NKAIN2: variants seen among roughly 807,000 people sequenced by gnomAD.
NKAIN2 encodes sodium/potassium transporting ATPase interacting 2, also known as sodium/potassium-transporting ATPase subunit beta-1-interacting protein 2.
A neutral mutation model predicts 32.6 loss-of-function variants in NKAIN2; 14 were observed. That is an observed-to-expected ratio of 0.43 (90% CI 0.28 to 0.67). The LOEUF (loss-of-function observed/expected upper bound fraction) is 0.67, where lower values mean the gene tolerates loss of function less well. Among genes scored for constraint, NKAIN2 ranks in the 30% least tolerant of loss-of-function variants. The probability of loss-of-function intolerance (pLI) is 0.17; values close to 1 mark genes in which losing one functional copy is unlikely to be tolerated. For synonymous variants in NKAIN2, 80 were observed against 87.2 expected (o/e 0.92, Z 0.46); for missense variants, 198 against 258.3 (o/e 0.77, Z 1.60).
chr6:124,803,043 C>G (rs1029230647), intron 5 of NKAIN2, among the ~76,000 whole-genome samples: 3 of 152,158 alleles, frequency 2.0e-5, no homozygotes, highest in East Asian at 1.9e-4. Flanking sequence ...GTAACTAAAC[C>G]CGACAGCAAA....
intron 1 of NKAIN2, among the ~76,000 whole-genome samples, chr6:123,864,631 C>T (rs867890396): frequency 1.3e-5 from 2 of 151,906 alleles, no homozygotes; most frequent in Admixed American, 6.6e-5. Flanking sequence ...ATTAAATGAG[C>T]GAGGGAACCA....
intron 3 of NKAIN2, among the ~76,000 whole-genome samples, chr6:124,493,165 TTAAA>T (rs1248013989): frequency 6.6e-6 from 1 of 151,894 alleles, no homozygotes; most frequent in Non-Finnish European, 1.5e-5. Context: ...ATTTGAAGAA[TTAAA>T]TCTACACATT....
At position 124,183,190 on chromosome 6, in the gene NKAIN2, G is replaced by T. The variant is rs571825454; in HGVS notation, c.55-99815G>T. ...TTTTTGCAGGTCTCAACATAAAAGA[G>T]GCTGAATATAATAATTGAAGGAGAA... On this transcript the variant is annotated intron_variant, in intron 1 of 6. Coordinates refer to ENST00000368417, the MANE Select transcript of NKAIN2 (RefSeq NM_001040214.3). Among the ~76,000 whole-genome samples the T allele has an allele frequency of 5.3e-4, 80 of 152,094 alleles. No individual in the cohort carries two copies. The South Asian group carries it at 0.017, about 32-fold the overall frequency.
chr6:124,071,543 A>G (rs760737923), intron 1 of NKAIN2, among the ~76,000 whole-genome samples: 21 of 152,210 alleles, frequency 1.4e-4, no homozygotes, highest in African/African-American at 2.7e-4. Flanking sequence ...CAGACAGCCT[A>G]CAGAATGGGA....
intron 1 of NKAIN2, among the ~76,000 whole-genome samples, chr6:123,942,608 T>G (rs1776872987): frequency 6.6e-6 from 1 of 152,030 alleles, no homozygotes. Context: ...ATTTAGACTA[T>G]GCTGCAGGTG....
intron 1 of NKAIN2, among the ~76,000 whole-genome samples, chr6:124,194,606 CAT>C (rs1790218378): frequency 6.6e-6 from 1 of 151,936 alleles, no homozygotes; most frequent in Non-Finnish European, 1.5e-5. Flanking sequence ...TATTTATTCA[CAT>C]GTTATTTTAT....
chr6:123,862,302 C>CA (rs1256711285), intron 1 of NKAIN2, among the ~76,000 whole-genome samples: 9 of 152,168 alleles, frequency 5.9e-5, no homozygotes, highest in Admixed American at 5.2e-4. Flanking sequence ...AGTGACCCTG[C>CA]AGCCAATCCT....
At chr6:124,705,747 C>A (rs1327168892) in intron 4 of NKAIN2, among the ~76,000 whole-genome samples, 1 of 151,974 alleles carries the variant, frequency 6.6e-6, no homozygotes, top group South Asian at 2.1e-4. Flanking sequence ...TACTGTTAAA[C>A]CCTGAATTTT....
chr6:124,208,598 AC>A (rs777923025), intron 1 of NKAIN2, among the ~76,000 whole-genome samples: 9 of 151,470 alleles, frequency 5.9e-5, no homozygotes. Context: ...TATTATATTT[AC>A]CTTAGGCTAT....
At chr6:124,207,018 A>G (rs1023143028) in intron 1 of NKAIN2, among the ~76,000 whole-genome samples, 1 of 151,698 alleles carries the variant, frequency 6.6e-6, no homozygotes, top group Non-Finnish European at 1.5e-5. Flanking sequence ...GTTTCAGCTA[A>G]GCTAAATACA....
intron 1 of NKAIN2, among the ~76,000 whole-genome samples, chr6:123,872,123 A>G (rs144161552): frequency 1.8e-4 from 27 of 152,158 alleles, no homozygotes; most frequent in African/African-American, 6.0e-4. Context: ...TTTTTTTCAT[A>G]TTTTATTTTG....
chr6:124,773,502 T>C (rs1036654739), intron 4 of NKAIN2, among the ~76,000 whole-genome samples: 2 of 152,104 alleles, frequency 1.3e-5, no homozygotes, highest in African/African-American at 4.8e-5. Context: ...ACTTTACCCT[T>C]GGAGATGGGT....
intron 1 of NKAIN2, among the ~76,000 whole-genome samples, chr6:124,040,849 T>C (rs1781838240): frequency 6.6e-6 from 1 of 151,962 alleles, no homozygotes; most frequent in South Asian, 2.1e-4. Flanking sequence ...TGAAAAGTAG[T>C]AAGTCATTAC....
At chr6:124,772,226 T>C (rs1263118922) in intron 4 of NKAIN2, among the ~76,000 whole-genome samples, 1 of 152,186 alleles carries the variant, frequency 6.6e-6, no homozygotes, top group Non-Finnish European at 1.5e-5. Flanking sequence ...TAATTGAGTT[T>C]ATGGTCTTAG....
chr6:124,226,074 A>G (rs756367487), intron 1 of NKAIN2, among the ~76,000 whole-genome samples: 16 of 152,070 alleles, frequency 1.1e-4, no homozygotes, highest in Non-Finnish European at 2.4e-4. Context: ...GTCCAGTGTC[A>G]CAGGAGAGAA....
chr6:124,733,506 T>C (rs1267323932), intron 4 of NKAIN2, among the ~76,000 whole-genome samples: 1 of 151,926 alleles, frequency 6.6e-6, no homozygotes, highest in Admixed American at 6.6e-5. Flanking sequence ...ATAAGCACTG[T>C]ACTCTAGTTG....
chr6:124,474,105 G>GT (rs1777086427), intron 3 of NKAIN2, among the ~76,000 whole-genome samples: 1 of 67,210 alleles, frequency 1.5e-5, no homozygotes, highest in Non-Finnish European at 3.4e-5. Context: ...TCTTAGGACT[G>GT]TATTTTTTTT....
At chr6:124,782,251 G>C (rs1198641084) in intron 4 of NKAIN2, among the ~76,000 whole-genome samples, 2 of 152,058 alleles carry the variant, frequency 1.3e-5, no homozygotes, top group African/African-American at 2.4e-5. Context: ...AGTGCAATGA[G>C]AGTACTACTG....
intron 3 of NKAIN2, among the ~76,000 whole-genome samples, chr6:124,373,738 A>C (rs1234983377): frequency 1.3e-5 from 2 of 152,150 alleles, no homozygotes; most frequent in Non-Finnish European, 2.9e-5. Flanking sequence ...AAATTGGATA[A>C]GGATGAAGAT....
Sources: allele counts gnomAD v4.1 joint callset (sites outside exome capture counted in the v4.1 genomes callset), GRCh38; gene constraint gnomAD v4.1.1; transcripts MANE v1.5; gene names NCBI Gene and HGNC (gene_info 2026-07-23, HGNC 2026-07-21).